The following GRHL3 variants were observed in gnomAD, a reference collection of about 807,000 sequenced individuals.
GRHL3 encodes the protein grainyhead like transcription factor 3, also known as grainyhead-like protein 3 homolog.
GRHL3 carries 20 observed loss-of-function variants against 70.3 expected under a neutral mutation model. The ratio of observed to expected loss-of-function variants is 0.28; its 90% CI spans 0.20 to 0.41. GRHL3 has a LOEUF of 0.41. Ranked by LOEUF, GRHL3 falls within the 10% of genes least tolerant of loss-of-function variation. The pLI, the probability that GRHL3 is intolerant of heterozygous loss-of-function variation, is 1.00. For synonymous variants in GRHL3, 299 were observed against 299.9 expected, an observed-to-expected ratio of 1.00 and a Z score of 0.03; for missense variants, 637 against 762.3, an observed-to-expected ratio of 0.84 and a Z score of 1.94.
At chr1:24,337,384 T>C in intron 5 of GRHL3, 1 of 592,016 alleles carries the variant, frequency 1.7e-6, no homozygotes. Flanking sequence ...TCCTTAGTTT[T>C]CCCTGGTTTT....
chr1:24,361,723 C>T (rs1303684376), intron 15 of GRHL3, among the ~76,000 whole-genome samples: 1 of 152,148 alleles, frequency 6.6e-6, no homozygotes, highest in East Asian at 1.9e-4. Flanking sequence ...AGTCTGTCTT[C>T]CCCTCCTTCC....
chr1:24,342,884 C>G lies in GRHL3; in HGVS notation c.1286-8C>G, dbSNP rs768073139. ...CCTCGGGGCACATTGGCTTCCTTCT[C>G]CCATCAGGCGTCAAGGGCTGCCTGC... On this transcript the variant is annotated splice_polypyrimidine_tract_variant and splice_region_variant and intron_variant, in intron 10 of 15. Transcript: ENST00000361548. The surrounding 1 kb of genome is among the most constrained non-coding windows in gnomAD (Gnocchi z 4.8). 6.2e-7 allele frequency: 1 copy of G among 1,614,160 alleles called. No homozygotes were observed.
chr1:24,347,450 C>T lies in GRHL3; in HGVS notation c.1544-18C>T. The T allele has an allele frequency of 3.1e-6, 5 of 1,606,624 alleles. No homozygotes were observed. The highest frequency in any genetic ancestry group is 2.2e-5 in the South Asian group (2 of 90,912). On this transcript the variant is annotated intron_variant, in intron 13 of 15. Transcript: ENST00000361548. Reference sequence around the variant, plus strand: ...TCACATTATCTTCCTTGCACTCAAGCTGGCCCTTGCTTTTCAGTTCTGCTG... The same window carrying T: ...TCACATTATCTTCCTTGCACTCAAGTTGGCCCTTGCTTTTCAGTTCTGCTG...
rs1246821054 is a variant in GRHL3 at position 24,342,612 on chromosome 1, T to C, written c.1207-82T>C. On this transcript the variant is annotated intron_variant, in intron 9 of 15. Transcript: ENST00000361548. This position sits in a 1 kb window ranked among gnomAD's most constrained non-coding sequence, Gnocchi z 4.8. ...AAAGAAGGACCAGAAGCTTGGCCCATATTTAAGATGCAAAGCAGCAGCTGT... is the reference window on the plus strand; with the variant it reads ...AAAGAAGGACCAGAAGCTTGGCCCACATTTAAGATGCAAAGCAGCAGCTGT... The C allele has an allele frequency of 1.7e-5, 21 of 1,241,288 alleles. No individual in the cohort carries two copies. The highest frequency in any genetic ancestry group is 2.4e-5 in the South Asian group (2 of 83,026). The allele number at this position is 1,241,288 out of a possible 1,614,324, so 76.9% of individuals were successfully genotyped here.
intron 12 of GRHL3, among the ~76,000 whole-genome samples, chr1:24,345,902 C>A (rs955132098): frequency 3.9e-5 from 6 of 152,212 alleles, no homozygotes; most frequent in African/African-American, 1.4e-4. Flanking sequence ...TCAGTTTCTT[C>A]CCTATGAACA....
chr1:24,344,922 G>A lies in GRHL3; in HGVS notation c.1445G>A (p.Ser482Asn). Residue 482 changes from serine (S) to asparagine (N), a missense_variant, in exon 12 of 16, where the codon AGC becomes AAC. By Grantham distance (46) the Ser-to-Asn change is conservative. Transcript: ENST00000361548. ...GCAGCCCCCTCGGCAGGACCCAGCAGCTCCAACAGGTATGGAGAGAAACAA... is the reference window on the plus strand; with the variant it reads ...GCAGCCCCCTCGGCAGGACCCAGCAACTCCAACAGGTATGGAGAGAAACAA... ...GGAAPSAGPS[S>N]SNRLPLKRTC... The A allele has an allele frequency of 1.2e-6, 2 of 1,613,552 alleles. No individual in the cohort carries two copies. The highest frequency in any genetic ancestry group is 1.7e-6 in the Non-Finnish European group (2 of 1,179,712).
At chr1:24,326,584 G>A (rs1215450370) in intron 1 of GRHL3, among the ~76,000 whole-genome samples, 1 of 152,176 alleles carries the variant, frequency 6.6e-6, no homozygotes, top group South Asian at 2.1e-4. Flanking sequence ...CAACCTCCGT[G>A]TCGGCAGGGA....
At position 24,354,797 on chromosome 1, in the gene GRHL3, T is replaced by C; in HGVS notation, c.*309T>C. 4.3e-6 allele frequency: 1 copy of C among 231,900 alleles called. No individual in the cohort carries two copies. Among genetic ancestry groups the C allele is most frequent in the Non-Finnish European group, 8.6e-6 (1 of 116,580 alleles). The allele number at this position is 231,900 out of a possible 1,614,324, so 14.4% of individuals were successfully genotyped here. A position where few individuals can be genotyped will look rare whatever the true frequency, so the allele number is the denominator to read the frequency against. Reference sequence around the variant, plus strand: ...GACTGTTCCCTCCTCCCAAGACCCTTGTCTGCAGTGGTGCTCCTGCAGGCT... The same window carrying C: ...GACTGTTCCCTCCTCCCAAGACCCTCGTCTGCAGTGGTGCTCCTGCAGGCT... On this transcript the variant is annotated 3_prime_UTR_variant, in exon 16 of 16. Transcript: ENST00000361548.
At position 24,331,413 on chromosome 1, in the gene GRHL3, T is replaced by C. The variant is rs1639604962; in HGVS notation, c.18-13T>C. ...GGGATAGCCTAAATTTGACTCTCCT[T>C]ACTTGCATTCAGTTTCAGGTCTGTG... On this transcript the variant is annotated splice_polypyrimidine_tract_variant and intron_variant, in intron 1 of 15. Coordinates refer to ENST00000361548, the MANE Select transcript of GRHL3 (RefSeq NM_198173.3). The C allele has an allele frequency of 1.2e-6, 2 of 1,601,966 alleles. No homozygotes were observed. The highest frequency in any genetic ancestry group is 1.7e-6 in the Non-Finnish European group (2 of 1,172,148).
chr1:24,339,358 C>G (rs1191582084), intron 7 of GRHL3, among the ~76,000 whole-genome samples: 3 of 151,872 alleles, frequency 2.0e-5, no homozygotes, highest in Non-Finnish European at 4.4e-5. Context: ...TCACTGCAAC[C>G]TCCGCCTTCC....
chr1:24,342,245 T>C lies in GRHL3; in HGVS notation c.1178T>C (p.Val393Ala). The change falls in exon 9 of 16, where the codon GTC becomes GCC. Residue 393 changes from valine to alanine, a missense_variant. By Grantham distance (64) the Val-to-Ala change is moderately conservative (BLOSUM62 0). Coordinates refer to ENST00000361548, the MANE Select transcript of GRHL3 (RefSeq NM_198173.3). The surrounding 1 kb of genome is among the most constrained non-coding windows in gnomAD (Gnocchi z 4.8). ...ACTGAGCGCCTGGTACACCGTGCTGTCTGCCAGATCAAGATCTTCTGTGAC... is the reference window on the plus strand; with the variant it reads ...ACTGAGCGCCTGGTACACCGTGCTGCCTGCCAGATCAAGATCTTCTGTGAC... ...LGTERLVHRA[V>A]CQIKIFCDKG... 2 of 1,610,954 alleles carry C rather than the reference T, an allele frequency of 1.2e-6. No homozygotes were observed. The highest frequency in any genetic ancestry group is 8.5e-7 in the Non-Finnish European group (1 of 1,178,330).
intron 1 of GRHL3, among the ~76,000 whole-genome samples, chr1:24,325,254 C>G (rs867749768): frequency 6.6e-6 from 1 of 152,176 alleles, no homozygotes; most frequent in Middle Eastern, 3.2e-3. Flanking sequence ...CTGTGCCACA[C>G]ACCTTCTTTG....
chr1:24,335,651 T>C (rs1409304755), intron 3 of GRHL3, among the ~76,000 whole-genome samples: 1 of 151,910 alleles, frequency 6.6e-6, no homozygotes, highest in East Asian at 1.9e-4. Flanking sequence ...GGCGCGGTCT[T>C]GGCTCACTGC....
chr1:24,360,452 AT>A (rs1310780387), intron 15 of GRHL3, among the ~76,000 whole-genome samples: 1 of 152,254 alleles, frequency 6.6e-6, no homozygotes, highest in Admixed American at 6.5e-5. Context: ...TCTCAAAAAA[AT>A]AAAAGTAAAA....
chr1:24,346,751 C>A (rs1640303638), intron 13 of GRHL3, 110 bp downstream of exon 13: 2 of 804,772 alleles, frequency 2.5e-6, no homozygotes, highest in African/African-American at 3.4e-5. Flanking sequence ...TGCCTTACCC[C>A]TTGGAGCTAG....
rs41268757 is a variant in GRHL3 at position 24,347,720 on chromosome 1, T to C, written c.1629+167T>C. Among the ~76,000 whole-genome samples, 341 of 152,298 alleles carry C rather than the reference T, an allele frequency of 2.2e-3. 2 individuals carry two copies. The highest frequency in any genetic ancestry group is 7.1e-3 in the South Asian group (34 of 4,822). On this transcript the variant is annotated intron_variant, in intron 14 of 15. Coordinates refer to ENST00000361548, the MANE Select transcript of GRHL3 (RefSeq NM_198173.3). ...CTGAGGGGCCCTGCCGGTGGGGGTG[T>C]GCCTCTGCGATGTTATCTCCCAGCC...
chr1:24,347,962 G>A (rs1640358642), intron 14 of GRHL3, among the ~76,000 whole-genome samples: 1 of 152,164 alleles, frequency 6.6e-6, no homozygotes, highest in Non-Finnish European at 1.5e-5. Flanking sequence ...GCCGCTGGCT[G>A]GGGTAGCTGA....
At chr1:24,364,164 G>C (rs1641296769) in intron 15 of GRHL3, 1 of 1,485,524 alleles carries the variant, frequency 6.7e-7, no homozygotes, top group Non-Finnish European at 9.0e-7. Flanking sequence ...TTCAATTCTT[G>C]ACGTTCTCAC....
Position 24,342,314 on chromosome 1 carries a change from G to A in GRHL3, c.1206+41G>A, listed in dbSNP as rs1354999278. ...AGACCCTATACTGGGTCCCGGGGAG[G>A]TAGAAGGGCCAAACCCTGACCCGTG... On this transcript the variant is annotated intron_variant, in intron 9 of 15. Coordinates refer to ENST00000361548, the MANE Select transcript of GRHL3 (RefSeq NM_198173.3). The surrounding 1 kb of genome is among the most constrained non-coding windows in gnomAD (Gnocchi z 4.8). 1 of 1,535,566 alleles carries A rather than the reference G, an allele frequency of 6.5e-7. No individual in the cohort carries two copies. The highest frequency in any genetic ancestry group is 2.0e-5 in the Admixed American group (1 of 51,218).
Sources: allele counts gnomAD v4.1 joint callset (sites outside exome capture counted in the v4.1 genomes callset), GRCh38; gene constraint gnomAD v4.1.1; non-coding constraint Gnocchi (gnomAD v3.1); transcripts MANE v1.5; gene names NCBI Gene and HGNC (gene_info 2026-07-23, HGNC 2026-07-21).